Variants in BOC observed in about 807,000 individuals in gnomAD.
The protein encoded by BOC is brother of CDO.
BOC carries 76 observed loss-of-function variants against 112.0 expected under a neutral mutation model. The ratio of observed to expected loss-of-function variants is 0.68; its 90% CI spans 0.56 to 0.82. BOC has a LOEUF of 0.82. Among genes scored for constraint, BOC ranks in the 40% least tolerant of loss-of-function variants. BOC has a pLI of 0.00. For synonymous variants in BOC, 580 were observed against 599.8 expected, an observed-to-expected ratio of 0.97 and a Z score of 0.48; for missense variants, 1,309 against 1,511.7, an observed-to-expected ratio of 0.87 and a Z score of 2.22.
At chr3:113,253,154 A>C (rs966561170) in intron 4 of BOC, among the ~76,000 whole-genome samples, 2 of 152,176 alleles carry the variant, frequency 1.3e-5, no homozygotes, top group African/African-American at 4.8e-5. Flanking sequence ...ATCCCTGCTC[A>C]TATTTTTAAG....
chr3:113,266,168 G>T (rs57104308), intron 4 of BOC, among the ~76,000 whole-genome samples: 2 of 152,176 alleles, frequency 1.3e-5, no homozygotes, highest in African/African-American at 4.8e-5. Flanking sequence ...AGTGAAATGG[G>T]GCAATAGAAA....
intron 2 of BOC, among the ~76,000 whole-genome samples, chr3:113,239,640 C>A (rs867552824): frequency 6.6e-6 from 1 of 152,208 alleles, no homozygotes; most frequent in Non-Finnish European, 1.5e-5. Context: ...GCCCACATGG[C>A]GGGCTTGTCA....
intron 2 of BOC, among the ~76,000 whole-genome samples, chr3:113,236,252 G>A (rs1240205251): frequency 9.5e-5 from 4 of 42,176 alleles, no homozygotes; most frequent in Non-Finnish European, 1.7e-4. Flanking sequence ...GTGTGTGTGT[G>A]TGTGTGTGTG....
At chr3:113,234,175 A>G (rs987922662) in intron 2 of BOC, among the ~76,000 whole-genome samples, 2 of 152,244 alleles carry the variant, frequency 1.3e-5, no homozygotes, top group Non-Finnish European at 2.9e-5. Flanking sequence ...AGCGATGCTG[A>G]CACATAGACT....
chr3:113,284,030 C>A (rs1026679937), intron 16 of BOC, among the ~76,000 whole-genome samples: 2 of 152,118 alleles, frequency 1.3e-5, no homozygotes, highest in Non-Finnish European at 2.9e-5. Flanking sequence ...GATGGCAAAA[C>A]ATCTGGTCAG....
chr3:113,235,758 A>G (rs1048589395), intron 2 of BOC, among the ~76,000 whole-genome samples: 7 of 152,366 alleles, frequency 4.6e-5, no homozygotes, highest in Admixed American at 2.0e-4. Flanking sequence ...AAGGGTCTAC[A>G]AAACATTATA....
intron 7 of BOC, 90 bp downstream of exon 7, chr3:113,272,793 T>C: frequency 6.8e-7 from 1 of 1,466,034 alleles, no homozygotes; most frequent in Non-Finnish European, 9.3e-7. Flanking sequence ...CACAAAGGGT[T>C]AGCATCTTGT....
chr3:113,286,321 T>C (rs932222833), intron 19 of BOC, among the ~76,000 whole-genome samples: 3 of 152,132 alleles, frequency 2.0e-5, no homozygotes, highest in African/African-American at 7.2e-5. Flanking sequence ...AGTGGGATGA[T>C]TGTAACCAGA....
chr3:113,250,941 G>C (rs1270364280), intron 4 of BOC, 108 bp downstream of exon 4: 1 of 1,364,574 alleles, frequency 7.3e-7, no homozygotes, highest in Non-Finnish European at 1.0e-6. Flanking sequence ...GCATAAAATG[G>C]GCCTTAACTG....
intron 7 of BOC, 130 bp downstream of exon 7, chr3:113,272,833 C>A: frequency 1.7e-6 from 2 of 1,210,948 alleles, no homozygotes; most frequent in Non-Finnish European, 1.2e-6. Context: ...GAGGAACAGG[C>A]ATGCTGAAGA....
chr3:113,279,850 G>A lies in BOC; in HGVS notation c.2050G>A (p.Ala684Thr). Reference sequence around the variant, plus strand: ...CACCTCCTACAAGTTTCGAGTCCGGGCTCTGAACATGCTGGGGGAGAGCGA... The same window carrying A: ...CACCTCCTACAAGTTTCGAGTCCGGACTCTGAACATGCTGGGGGAGAGCGA... ...KGTSYKFRVR[A>T]LNMLGESEPS... The change falls in exon 13 of 20, where the codon GCT becomes ACT. Residue 684 changes from alanine (A) to threonine (T), a missense_variant. Ala to Thr is a moderately conservative substitution (Grantham distance 58). Transcript: ENST00000682979. 1 of 1,611,254 alleles carries A rather than the reference G, an allele frequency of 6.2e-7. No individual in the cohort carries two copies. Among genetic ancestry groups the A allele is most frequent in the Non-Finnish European group, 8.5e-7 (1 of 1,178,474 alleles).
Position 113,283,273 on chromosome 3 carries a change from TAAG to T in BOC, c.2435-136_2435-134del, listed in dbSNP as rs1226283323. On this transcript the variant is annotated intron_variant, in intron 15 of 19. Coordinates refer to ENST00000682979, the MANE Select transcript of BOC (RefSeq NM_001378074.1). Reference sequence around the variant, plus strand: ...ATGCTGAGTGTGGACACCATTCAAATAAGAGATTTTGAGGCCCAATCTAGTGAG... The same window carrying T: ...ATGCTGAGTGTGGACACCATTCAAATAGATTTTGAGGCCCAATCTAGTGAG... 3.6e-6 allele frequency: 3 copies of T among 830,254 alleles called. No homozygotes were observed. The East Asian group carries it at 7.4e-5, about 20-fold the overall frequency. 51.4% of individuals were successfully genotyped at this position (830,254 alleles called of 1,614,324 possible).
intron 2 of BOC, among the ~76,000 whole-genome samples, chr3:113,239,785 C>T (rs1944050652): frequency 6.6e-6 from 1 of 152,204 alleles, no homozygotes; most frequent in South Asian, 2.1e-4. Context: ...ACTGGCTTGC[C>T]AGAGAGCTCC....
intron 5 of BOC, chr3:113,270,170 A>G (rs1355065145): frequency 1.3e-5 from 2 of 152,346 alleles, no homozygotes; most frequent in Non-Finnish European, 2.9e-5. Flanking sequence ...CAGAAATGCA[A>G]TAATGAGGCG....
At chr3:113,228,252 G>T (rs978289877) in intron 2 of BOC, among the ~76,000 whole-genome samples, 1 of 152,248 alleles carries the variant, frequency 6.6e-6, no homozygotes, top group African/African-American at 2.4e-5. Context: ...CACCATCCTG[G>T]GGGGACGGGG....
chr3:113,240,160 GCC>G (rs1179762106), intron 2 of BOC, among the ~76,000 whole-genome samples: 18 of 152,310 alleles, frequency 1.2e-4, no homozygotes, highest in African/African-American at 4.1e-4. Context: ...GGGATATATG[GCC>G]TTGGGTTGAG....
chr3:113,226,829 A>C (rs754085585), intron 2 of BOC, among the ~76,000 whole-genome samples: 8 of 152,200 alleles, frequency 5.3e-5, no homozygotes, highest in Non-Finnish European at 1.0e-4. Context: ...TCCGAATATC[A>C]ACAATAAGCC....
chr3:113,227,753 A>G (rs1941902447), intron 2 of BOC, among the ~76,000 whole-genome samples: 1 of 152,230 alleles, frequency 6.6e-6, no homozygotes, highest in Non-Finnish European at 1.5e-5. Flanking sequence ...TGTAATTAAA[A>G]AAAAAACTTT....
intron 2 of BOC, 36 bp downstream of exon 2, chr3:113,216,310 G>A (rs1292207735): frequency 2.2e-6 from 1 of 455,496 alleles, no homozygotes; most frequent in Non-Finnish European, 4.4e-6. Context: ...GATAGCTCTG[G>A]CCTATTAGGT....
Sources: allele counts gnomAD v4.1 joint callset (sites outside exome capture counted in the v4.1 genomes callset), GRCh38; gene constraint gnomAD v4.1.1; transcripts MANE v1.5; gene names NCBI Gene and HGNC (gene_info 2026-07-23, HGNC 2026-07-21).